Variants in TM9SF1 observed in about 807,000 individuals in gnomAD.
TM9SF1 encodes MP70 protein family member.
In TM9SF1, 25 loss-of-function variants were observed where a neutral mutation model predicts 52.4. The ratio of observed to expected loss-of-function variants is 0.48; its 90% CI spans 0.35 to 0.67. The LOEUF (loss-of-function observed/expected upper bound fraction) is 0.67, where lower values mean the gene tolerates loss of function less well. Ranked by LOEUF, TM9SF1 falls within the 30% of genes least tolerant of loss-of-function variation. The pLI is 0.01. For synonymous variants in TM9SF1, 284 were observed against 299.8 expected (o/e 0.95, Z 0.55); for missense variants, 604 against 780.3 (o/e 0.77, Z 2.69).
In TM9SF1 at chr14:24,195,403, T is replaced by C. The variant is rs2234100; in HGVS notation, c.-75A>G. ...CGGCCTTCGCGCCCCCGTAGCTGCC[T>C]TTGGGCTCCTGCTGGGGTCTCTCCC... On this transcript the variant is annotated 5_prime_UTR_variant, in exon 1 of 6. Coordinates refer to ENST00000261789, the MANE Select transcript of TM9SF1 (RefSeq NM_006405.7). The C allele has an allele frequency of 0.32, 71,162 of 222,352 alleles. 15,422 individuals are homozygous for C. Among genetic ancestry groups the C allele is most frequent in the African/African-American group, 0.67 (28,901 of 42,948 alleles). 13.8% of individuals were successfully genotyped at this position (222,352 alleles called of 1,614,324 possible).
intron 5 of TM9SF1, 136 bp downstream of exon 5, chr14:24,190,244 G>A: frequency 6.7e-7 from 1 of 1,493,764 alleles, no homozygotes; most frequent in South Asian, 1.4e-5. Context: ...GGGATAGGAG[G>A]AACCATTTAA....
At position 24,190,402 on chromosome 14, in the gene TM9SF1, C is replaced by A; in HGVS notation, c.1405G>T (p.Val469Phe). 1 of 1,593,454 alleles carries A rather than the reference C, an allele frequency of 6.3e-7. No homozygotes were observed. The highest frequency in any genetic ancestry group is 8.6e-7 in the Non-Finnish European group (1 of 1,167,350). ...WYKSTVIHMT[V>F]GGFLPFSAIS... Reference sequence around the variant, plus strand: ...TACCTGAAAGGCAGGAAGCCTCCAACAGTCATGTGGATGACAGTAGACTTG... The same window carrying A: ...TACCTGAAAGGCAGGAAGCCTCCAAAAGTCATGTGGATGACAGTAGACTTG... The change falls in exon 5 of 6, where the codon GTT becomes TTT. Residue 469 changes from valine to phenylalanine, a missense_variant. Physicochemically the swap from Val to Phe is conservative, Grantham distance 50. Around this residue, in one of 3 missense-constraint regions of TM9SF1, gnomAD observed 107 missense variants for 180.5 expected, o/e 0.59. Transcript: ENST00000261789.
intron 2 of TM9SF1, among the ~76,000 whole-genome samples, chr14:24,194,344 A>AG (rs2039367415): frequency 6.6e-6 from 1 of 152,248 alleles, no homozygotes; most frequent in South Asian, 2.1e-4. Flanking sequence ...GAAACAGCCA[A>AG]GAGGTAGGCA....
chr14:24,192,613 TGA>T lies in TM9SF1; in HGVS notation c.967+33_967+34del. 1 of 1,533,192 alleles carries T rather than the reference TGA, an allele frequency of 6.5e-7. No individual in the cohort carries two copies. The highest frequency in any genetic ancestry group is 8.8e-7 in the Non-Finnish European group (1 of 1,142,478). 95.0% of individuals were successfully genotyped at this position (1,533,192 alleles called of 1,614,324 possible). The stretch of plus-strand genomic sequence containing the variant: ...AAACTCCCTACCTAGTTCTATCCCA[TGA>T]GATAAATCCCCAATTCATTTTTATC... On this transcript the variant is annotated intron_variant, in intron 3 of 5. Transcript: ENST00000261789. The surrounding 1 kb of genome is among the most constrained non-coding windows in gnomAD (Gnocchi z 4.0).
At chr14:24,194,130 T>C (rs1056932517) in intron 2 of TM9SF1, among the ~76,000 whole-genome samples, 3 of 152,100 alleles carry the variant, frequency 2.0e-5, no homozygotes, top group Non-Finnish European at 2.9e-5. Context: ...ACAAAACTGT[T>C]CCCTGTTGAC....
Position 24,195,191 on chromosome 14 carries a change from C to A in TM9SF1, c.-18+155G>T. 4.9e-6 allele frequency: 3 copies of A among 608,522 alleles called. No individual in the cohort carries two copies. The South Asian group carries it at 5.9e-5, about 12-fold the overall frequency. The allele number at this position is 608,522 out of a possible 1,614,324, so 37.7% of individuals were successfully genotyped here. A position where few individuals can be genotyped will look rare whatever the true frequency, so the allele number is the denominator to read the frequency against. On this transcript the variant is annotated intron_variant, in intron 1 of 5. Coordinates refer to ENST00000261789, the MANE Select transcript of TM9SF1 (RefSeq NM_006405.7). Reference sequence around the variant, plus strand: ...GTCTCTCTATCCCAAAGACCCCGCTCCACCTCTGCTCTCTCATCCTCCCAA... The same window carrying A: ...GTCTCTCTATCCCAAAGACCCCGCTACACCTCTGCTCTCTCATCCTCCCAA...
At position 24,193,003 on chromosome 14, in the gene TM9SF1, A is replaced by G. The variant is rs2234106; in HGVS notation, c.612T>C (p.Tyr204=). 1,103 of 1,614,218 alleles carry G rather than the reference A, an allele frequency of 6.8e-4. 6 individuals carry two copies. In the African/African-American group the frequency reaches 0.011, roughly 16 times the overall value. Residue 204 remains tyrosine, a synonymous_variant, in exon 3 of 6, where the codon TAT becomes TAC. Coordinates refer to ENST00000261789, the MANE Select transcript of TM9SF1 (RefSeq NM_006405.7). ...CTGAAGTCTCAGACCAGCGCACGCT[A>G]TAAGTGTGGGTAAGGCCTAGGAACT... is the stretch of plus-strand genomic sequence containing the variant. ...PDEFLGLTHT[Y]SVRWSETSVE... is the part of the protein sequence containing the mutation.
intron 2 of TM9SF1, among the ~76,000 whole-genome samples, chr14:24,193,925 A>G (rs2039360786): frequency 6.6e-6 from 1 of 151,568 alleles, no homozygotes; most frequent in South Asian, 2.1e-4. Context: ...GTCTCAAAAA[A>G]AAAAAAAAAG....
intron 1 of TM9SF1, 114 bp downstream of exon 1, chr14:24,195,232 A>C (rs925739101): frequency 3.3e-5 from 19 of 568,872 alleles, no homozygotes; most frequent in Non-Finnish European, 5.6e-5. Context: ...GGTTCACCCC[A>C]CCCGCAGCCC....
rs1286343311 is a variant in TM9SF1, at chr14:24,192,659, G to A, written c.956C>T (p.Ala319Val). Reference protein sequence around the residue: ...AVLGVGAQFLALGTGIIVMAL... With the variant: ...AVLGVGAQFLVLGTGIIVMAL... Reference sequence around the variant, plus strand: ...TTTTATCACCTCACCAGTGCCAAGGGCCAGGAACTGGGCACCCACGCCAAG... The same window carrying A: ...TTTTATCACCTCACCAGTGCCAAGGACCAGGAACTGGGCACCCACGCCAAG... The change falls in exon 3 of 6, where the codon GCC (alanine) becomes GTC (valine). Residue 319 changes from alanine to valine, a missense_variant. Transcript: ENST00000261789. This position sits in a 1 kb window ranked among gnomAD's most constrained non-coding sequence, Gnocchi z 4.0. 6.4e-7 allele frequency: 1 copy of A among 1,569,960 alleles called. No individual in the cohort carries two copies. The highest frequency in any genetic ancestry group is 1.9e-5 in the Admixed American group (1 of 53,660).
Position 24,194,805 on chromosome 14 carries a change from A to ATCTTC in TM9SF1, c.210_214dup (p.Ile72ArgfsTer64). 6.2e-7 allele frequency: 1 copy of ATCTTC among 1,614,248 alleles called. No individual in the cohort carries two copies. ...ACCCAGGCTAAGGCTTTTGTGACGT[A>ATCTTC]TCTTCTCAGGGCAGCAGACTGGAAG... On this transcript the variant is annotated frameshift_variant, in exon 2 of 6. Transcript: ENST00000261789. LOFTEE classifies it high-confidence loss of function.
chr14:24,192,483 A>C lies in TM9SF1; in HGVS notation c.968-127T>G. On this transcript the variant is annotated intron_variant, in intron 3 of 5. Coordinates refer to ENST00000261789, the MANE Select transcript of TM9SF1 (RefSeq NM_006405.7). The surrounding 1 kb of genome is among the most constrained non-coding windows in gnomAD (Gnocchi z 4.0). ...CAAAACAATCTCCCCCAGTTTTGCT[A>C]TCCAGAAAATCTACAATAGAATACG... The C allele has an allele frequency of 2.9e-6, 4 of 1,375,502 alleles. No individual in the cohort carries two copies. The highest frequency in any genetic ancestry group is 4.0e-6 in the Non-Finnish European group (4 of 1,010,766). 85.2% of individuals were successfully genotyped at this position (1,375,502 alleles called of 1,614,324 possible).
chr14:24,190,685 A>G (rs1487986222), intron 4 of TM9SF1, 32 bp from the exon 5 acceptor site: 3 of 1,576,432 alleles, frequency 1.9e-6, no homozygotes, highest in African/African-American at 2.7e-5. Flanking sequence ...GGGAGGGTCA[A>G]CACTAGGAGC....
In TM9SF1 at chr14:24,189,405, C is replaced by T. The variant is rs752061771; in HGVS notation, c.*10G>A. 13 of 1,603,592 alleles carry T rather than the reference C, an allele frequency of 8.1e-6. No homozygotes were observed. In the Admixed American group the frequency reaches 2.2e-4, roughly 27 times the overall value. On this transcript the variant is annotated 3_prime_UTR_variant, in exon 6 of 6. Coordinates refer to ENST00000261789, the MANE Select transcript of TM9SF1 (RefSeq NM_006405.7). ...AGGGAGAGAACAGCAATAGTTCTGC[C>T]ATACAGAACTCAGTCCATCTTGAGG...
Position 24,192,494 on chromosome 14 carries a change from CT to C in TM9SF1, c.968-139del, listed in dbSNP as rs2039336838. 2.2e-6 allele frequency: 3 copies of C among 1,385,526 alleles called. No homozygotes were observed. The highest frequency in any genetic ancestry group is 2.0e-6 in the Non-Finnish European group (2 of 1,018,840). 85.8% of individuals were successfully genotyped at this position (1,385,526 alleles called of 1,614,324 possible). A position where few individuals can be genotyped will look rare whatever the true frequency, so the allele number is the denominator to read the frequency against. ...CCCCCAGTTTTGCTATCCAGAAAATCTACAATAGAATACGTGCATTCTTGCT... is the reference window on the plus strand; with the variant it reads ...CCCCCAGTTTTGCTATCCAGAAAATCACAATAGAATACGTGCATTCTTGCT... On this transcript the variant is annotated intron_variant, in intron 3 of 5. Coordinates refer to ENST00000261789, the MANE Select transcript of TM9SF1 (RefSeq NM_006405.7). This position sits in a 1 kb window ranked among gnomAD's most constrained non-coding sequence, Gnocchi z 4.0.
chr14:24,193,648 C>T (rs529400135), intron 2 of TM9SF1, among the ~76,000 whole-genome samples: 32 of 146,818 alleles, frequency 2.2e-4, no homozygotes, highest in Non-Finnish European at 3.6e-4. Flanking sequence ...TGGTCGGGTG[C>T]GGAGGCTCAT....
At chr14:24,190,757 G>A (rs909000902) in intron 4 of TM9SF1, 104 bp from the exon 5 acceptor site, 17 of 1,056,774 alleles carry the variant, frequency 1.6e-5, no homozygotes, top group Non-Finnish European at 2.1e-5. Context: ...GAAGCAGCCT[G>A]CCACTCTAAC....
Position 24,189,210 on chromosome 14 carries a change from G to T in TM9SF1, c.*205C>A. On this transcript the variant is annotated 3_prime_UTR_variant, in exon 6 of 6. Coordinates refer to ENST00000261789, the MANE Select transcript of TM9SF1 (RefSeq NM_006405.7). ...AGAAAAATCAGGACCAAAACTAAAGGCAACTTAAAAAGTTCAAATATATAA... is the reference window on the plus strand; with the variant it reads ...AGAAAAATCAGGACCAAAACTAAAGTCAACTTAAAAAGTTCAAATATATAA... 1 of 511,752 alleles carries T rather than the reference G, an allele frequency of 2.0e-6. No homozygotes were observed. Among genetic ancestry groups the T allele is most frequent in the African/African-American group, 1.9e-5 (1 of 52,074 alleles). The allele number at this position is 511,752 out of a possible 1,614,324, so 31.7% of individuals were successfully genotyped here.
Position 24,192,273 on chromosome 14 carries a change from G to A in TM9SF1, c.1051C>T (p.Leu351=). 1 of 1,614,194 alleles carries A rather than the reference G, an allele frequency of 6.2e-7. No homozygotes were observed. The change falls in exon 4 of 6, where the codon CTG becomes TTG. Residue 351 remains leucine (L), a synonymous_variant. Transcript: ENST00000261789. The surrounding 1 kb of genome is among the most constrained non-coding windows in gnomAD (Gnocchi z 4.0). ...ACGTAGCCAGAGATGCAGCAGGTCA[G>A]GGCATACAACAAGATGGCTGCTGAG... ...INSAAILLYA[L]TCCISGYVSS...
Sources: allele counts gnomAD v4.1 joint callset (sites outside exome capture counted in the v4.1 genomes callset), GRCh38; gene constraint gnomAD v4.1.1; regional missense constraint gnomAD v4.1.1; non-coding constraint Gnocchi (gnomAD v3.1); transcripts MANE v1.5; gene names NCBI Gene and HGNC (gene_info 2026-07-23, HGNC 2026-07-21).